Variants in CPNE4 observed in about 807,000 individuals in gnomAD.
CPNE4 encodes copine-4.
A neutral mutation model predicts 67.9 loss-of-function variants in CPNE4; 25 were observed. The ratio of observed to expected loss-of-function variants is 0.37; its 90% CI spans 0.27 to 0.51. The LOEUF is 0.51. CPNE4 is among the 20% of genes least tolerant of loss of function. The probability of loss-of-function intolerance (pLI) is 0.93; values close to 1 mark genes in which losing one functional copy is unlikely to be tolerated. For missense variants in CPNE4, 464 were observed against 690.8 expected (o/e 0.67, Z 3.68); for synonymous variants, 242 against 244.9 (o/e 0.99, Z 0.11).
chr3:131,983,964 C>A (rs73208130), intron 1 of CPNE4, among the ~76,000 whole-genome samples: 8,228 of 152,186 alleles, frequency 0.054, 274 homozygotes, highest in East Asian at 0.14. Flanking sequence ...AATCATCAAG[C>A]CTTACAGTGA....
intron 2 of CPNE4, among the ~76,000 whole-genome samples, chr3:131,778,738 A>C (rs900507895): frequency 1.3e-5 from 2 of 152,090 alleles, no homozygotes. Flanking sequence ...CAGGAATGAG[A>C]ATACAGCCCA....
rs1035873148 is a variant in CPNE4 at position 131,739,385 on chromosome 3, T to A, written c.181-15760A>T. 3.9e-5 allele frequency among the ~76,000 whole-genome samples: 6 copies of A among 152,312 alleles called. No homozygotes were observed. The East Asian group carries it at 1.2e-3, about 29-fold the overall frequency. On this transcript the variant is annotated intron_variant, in intron 2 of 15. Coordinates refer to ENST00000429747, the MANE Select transcript of CPNE4 (RefSeq NM_130808.3). ...CTTGCTCACAGAGAAAAGGCTCTCG[T>A]GTACATTTTCCCCTCTGTCCTTCTG...
intron 1 of CPNE4, among the ~76,000 whole-genome samples, chr3:131,991,505 C>A (rs191899998): frequency 7.4e-6 from 1 of 135,862 alleles, no homozygotes; most frequent in African/African-American, 2.5e-5. Context: ...ATCTGTGGAA[C>A]TTTGAACTTG....
intron 9 of CPNE4, among the ~76,000 whole-genome samples, chr3:131,581,250 G>T (rs1317389369): frequency 3.9e-5 from 6 of 152,082 alleles, no homozygotes; most frequent in Non-Finnish European, 8.8e-5. Flanking sequence ...AGGGCACATA[G>T]TAGGTGTTCT....
intron 3 of CPNE4, among the ~76,000 whole-genome samples, chr3:131,716,770 T>C (rs11718160): frequency 0.088 from 13,465 of 152,312 alleles, 805 homozygotes; most frequent in Non-Finnish European, 0.12. Flanking sequence ...AGCACTATTA[T>C]TATTTCCATT....
intron 2 of CPNE4, among the ~76,000 whole-genome samples, chr3:131,885,576 A>T (rs540676247): frequency 1.9e-4 from 29 of 151,918 alleles, no homozygotes; most frequent in Non-Finnish European, 3.5e-4. Flanking sequence ...GTTTTAGGGT[A>T]CATGTGCACA....
intron 15 of CPNE4, among the ~76,000 whole-genome samples, chr3:131,542,145 A>G (rs1935535472): frequency 1.3e-5 from 2 of 152,144 alleles, no homozygotes; most frequent in African/African-American, 4.8e-5. Flanking sequence ...AGCAAAACAT[A>G]AGCTGCATTT....
chr3:131,593,893 T>A (rs191801136), intron 7 of CPNE4, among the ~76,000 whole-genome samples: 35 of 152,164 alleles, frequency 2.3e-4, no homozygotes, highest in Non-Finnish European at 2.6e-4. Flanking sequence ...TATTATTATT[T>A]TTTTTTAGTA....
At chr3:131,897,957 T>C (rs1039304828) in intron 2 of CPNE4, among the ~76,000 whole-genome samples, 5 of 151,938 alleles carry the variant, frequency 3.3e-5, no homozygotes, top group East Asian at 1.9e-4. Flanking sequence ...ATTTGCAAGA[T>C]AGTTTTGATA....
intron 7 of CPNE4, among the ~76,000 whole-genome samples, chr3:131,624,030 GCTGACCCTTCTCA>G (rs1447943620): frequency 2.6e-5 from 4 of 152,168 alleles, no homozygotes; most frequent in African/African-American, 9.7e-5. Context: ...CTCTGGAAGG[GCTGACCCTTCTCA>G]CCATCCTCCT....
intron 6 of CPNE4, among the ~76,000 whole-genome samples, chr3:131,671,189 C>G (rs1319208229): frequency 6.6e-6 from 1 of 152,158 alleles, no homozygotes; most frequent in African/African-American, 2.4e-5. Context: ...ATCCTAGACT[C>G]ATTGTTAAAT....
chr3:131,595,048 A>G (rs746066939), intron 7 of CPNE4, among the ~76,000 whole-genome samples: 4 of 152,204 alleles, frequency 2.6e-5, no homozygotes, highest in Non-Finnish European at 4.4e-5. Context: ...TTTAAAATGT[A>G]CACACACAAA....
rs1271040628 is a variant in CPNE4, at chr3:131,985,531, T to C, written c.-2+49036A>G. On this transcript the variant is annotated intron_variant, in intron 1 of 15. Transcript: ENST00000429747. ...ACTTACAGACATTATAATTTGCCTA[T>C]GATTGCCCAAATAGGAGTAGAAGAG... 2.6e-5 allele frequency among the ~76,000 whole-genome samples: 4 copies of C among 152,206 alleles called. No homozygotes were observed. In the South Asian group the frequency reaches 8.3e-4, roughly 32 times the overall value.
At chr3:131,933,790 C>CA (rs764404007) in intron 1 of CPNE4, among the ~76,000 whole-genome samples, 3,920 of 115,784 alleles carry the variant, frequency 0.034, 106 homozygotes, top group Admixed American at 0.092. Context: ...ACAGAAAGAC[C>CA]AAAAAAAAAA....
chr3:131,668,589 A>G (rs17359465), intron 7 of CPNE4, among the ~76,000 whole-genome samples: 44,167 of 151,994 alleles, frequency 0.29, 6,682 homozygotes, highest in Middle Eastern at 0.33. Context: ...AGCTGATATT[A>G]CTGCTTGATG....
intron 8 of CPNE4, among the ~76,000 whole-genome samples, chr3:131,586,448 A>G (rs1938185620): frequency 6.6e-6 from 1 of 152,196 alleles, no homozygotes. Flanking sequence ...GAACTCTGGG[A>G]AACTGTATAG....
chr3:131,876,631 G>A, intron 2 of CPNE4, among the ~76,000 whole-genome samples: 1 of 66,254 alleles, frequency 1.5e-5, no homozygotes, highest in African/African-American at 8.0e-5. Flanking sequence ...GACAGAGCAA[G>A]ACTCCGTCTC....
At chr3:131,604,426 G>T (rs1416983242) in intron 7 of CPNE4, among the ~76,000 whole-genome samples, 1 of 152,108 alleles carries the variant, frequency 6.6e-6, no homozygotes, top group Non-Finnish European at 1.5e-5. Context: ...TGGGCTGAAG[G>T]ATACAAAGTA....
intron 1 of CPNE4, among the ~76,000 whole-genome samples, chr3:131,993,472 C>CGAA (rs1553825010): frequency 5.0e-5 from 3 of 60,474 alleles, no homozygotes; most frequent in Non-Finnish European, 9.6e-5. Context: ...GCAGGAGTGG[C>CGAA]AAAAAAAAAA....
Sources: gnomAD v4.1 joint callset for allele counts (sites outside exome capture counted in the v4.1 genomes callset) on GRCh38, gnomAD v4.1.1 for gene constraint, MANE v1.5 for transcripts, NCBI Gene and HGNC (gene_info 2026-07-23, HGNC 2026-07-21) for gene names.